The following SHB variants were observed in gnomAD, a reference collection of about 807,000 sequenced individuals.
SHB encodes SH2 domain containing adaptor protein B, also known as SH2 domain-containing adapter protein B.
Under a neutral mutation model 52.3 loss-of-function variants are expected in SHB, and 20 were observed. That is an observed-to-expected ratio of 0.38 (90% CI 0.27 to 0.56). The LOEUF is 0.56. Among genes scored for constraint, SHB ranks in the 20% least tolerant of loss-of-function variants. The probability of loss-of-function intolerance (pLI) is 0.71; values close to 1 mark genes in which losing one functional copy is unlikely to be tolerated. For missense variants in SHB, 825 were observed against 723.3 expected, an observed-to-expected ratio of 1.14 and a Z score of -1.61; for synonymous variants, 397 against 316.5, an observed-to-expected ratio of 1.25 and a Z score of -2.70.
At chr9:38,062,502 G>A (rs1211144352) in intron 1 of SHB, among the ~76,000 whole-genome samples, 2 of 151,984 alleles carry the variant, frequency 1.3e-5, no homozygotes, top group Non-Finnish European at 2.9e-5. Context: ...GACCTTATGC[G>A]CTCCTGCTTT....
chr9:37,973,227 T>A (rs1243520612), intron 3 of SHB, among the ~76,000 whole-genome samples: 7 of 152,186 alleles, frequency 4.6e-5, no homozygotes, highest in East Asian at 1.9e-4. Context: ...CTTTTCCGAA[T>A]TTTTTTATTT....
intron 3 of SHB, among the ~76,000 whole-genome samples, chr9:37,959,985 T>TG (rs771189265): frequency 1.6e-4 from 25 of 152,154 alleles, no homozygotes; most frequent in Non-Finnish European, 2.9e-4. Flanking sequence ...TTAGCTTTAT[T>TG]GGGAAAAAAA....
intron 5 of SHB, among the ~76,000 whole-genome samples, chr9:37,938,861 G>A (rs547484905): frequency 6.6e-6 from 1 of 152,334 alleles, no homozygotes; most frequent in South Asian, 2.1e-4. Flanking sequence ...CAGAATGAGA[G>A]CAGGCACCTC....
At chr9:37,948,816 G>A in intron 4 of SHB, 62 bp from the exon 5 acceptor site, 3 of 1,599,848 alleles carry the variant, frequency 1.9e-6, no homozygotes, top group Non-Finnish European at 2.6e-6. Context: ...GCCCTGACCT[G>A]CCTTGGGAGA....
At chr9:37,951,258 A>G (rs1832563644) in intron 4 of SHB, among the ~76,000 whole-genome samples, 2 of 152,366 alleles carry the variant, frequency 1.3e-5, no homozygotes, top group Non-Finnish European at 1.5e-5. Flanking sequence ...AGAAGGCAGG[A>G]AGAGCATGCA....
At chr9:38,024,044 C>T (rs182613721) in intron 1 of SHB, among the ~76,000 whole-genome samples, 13 of 152,342 alleles carry the variant, frequency 8.5e-5, no homozygotes, top group East Asian at 7.7e-4. Context: ...GGAAATCAGA[C>T]GGTGGGGAGG....
At chr9:38,004,031 G>A (rs1821050855) in intron 2 of SHB, among the ~76,000 whole-genome samples, 1 of 152,170 alleles carries the variant, frequency 6.6e-6, no homozygotes, top group African/African-American at 2.4e-5. Context: ...GGTCCATCCG[G>A]CCCATTGACT....
rs183487334 is a variant in SHB at position 38,018,939 on chromosome 9, C to T, written c.718-2808G>A. Reference sequence around the variant, plus strand: ...TCCAGATGTGAGATTGGATTTCTGACGGGATTGCTTTTGCTTTGCTTTAAA... The same window carrying T: ...TCCAGATGTGAGATTGGATTTCTGATGGGATTGCTTTTGCTTTGCTTTAAA... On this transcript the variant is annotated intron_variant, in intron 1 of 5. Coordinates refer to ENST00000377707, the MANE Select transcript of SHB (RefSeq NM_003028.3). Among the ~76,000 whole-genome samples, 26 of 152,320 alleles carry T rather than the reference C, an allele frequency of 1.7e-4. No homozygotes were observed. In the East Asian group the frequency reaches 4.4e-3, roughly 26 times the overall value.
At chr9:38,015,448 C>T (rs748224759) in intron 2 of SHB, 2 of 703,002 alleles carry the variant, frequency 2.8e-6, no homozygotes, top group African/African-American at 3.5e-5. Flanking sequence ...GGAAAACAGC[C>T]ACTGGGGGAA....
chr9:37,922,040 C>T (rs1476153242), intron 5 of SHB, among the ~76,000 whole-genome samples: 1 of 152,212 alleles, frequency 6.6e-6, no homozygotes, highest in Non-Finnish European at 1.5e-5. Context: ...ACCCTGGGCA[C>T]ATCATTCCCC....
chr9:38,018,663 C>A (rs1465823998), intron 1 of SHB, among the ~76,000 whole-genome samples: 1 of 152,028 alleles, frequency 6.6e-6, no homozygotes, highest in African/African-American at 2.4e-5. Context: ...GCAAACACTA[C>A]ACTGAACTGT....
chr9:38,020,385 G>C (rs571516555), intron 1 of SHB, among the ~76,000 whole-genome samples: 70 of 152,290 alleles, frequency 4.6e-4, no homozygotes, highest in African/African-American at 1.6e-3. Context: ...GGAAAGCTTG[G>C]GAAACAATAA....
chr9:37,977,369 T>G (rs749553878), intron 2 of SHB, among the ~76,000 whole-genome samples: 5 of 151,828 alleles, frequency 3.3e-5, no homozygotes, highest in Non-Finnish European at 5.9e-5. Context: ...CTCTGGCAAA[T>G]ATGAATAATC....
chr9:37,980,207 A>G (rs955657911), intron 2 of SHB, among the ~76,000 whole-genome samples: 1 of 152,208 alleles, frequency 6.6e-6, no homozygotes, highest in African/African-American at 2.4e-5. Flanking sequence ...GTTTTATAAC[A>G]TTTTACCCAC....
intron 2 of SHB, among the ~76,000 whole-genome samples, chr9:37,989,181 A>C (rs1291662961): frequency 6.6e-6 from 1 of 152,164 alleles, no homozygotes; most frequent in Non-Finnish European, 1.5e-5. Flanking sequence ...CATGTCCAGA[A>C]CGTGGTCCTT....
intron 4 of SHB, among the ~76,000 whole-genome samples, chr9:37,955,406 C>T (rs1407088576): frequency 6.6e-6 from 1 of 152,132 alleles, no homozygotes; most frequent in African/African-American, 2.4e-5. Context: ...TTAACCTGCC[C>T]ATGTATACAC....
At chr9:38,055,345 T>C (rs951419258) in intron 1 of SHB, among the ~76,000 whole-genome samples, 1 of 152,166 alleles carries the variant, frequency 6.6e-6, no homozygotes, top group African/African-American at 2.4e-5. Flanking sequence ...AACACCAGCA[T>C]GAACCAGAAA....
chr9:37,917,816 G>A lies in SHB; in HGVS notation c.*2005C>T, dbSNP rs1012630754. Among the ~76,000 whole-genome samples the A allele has an allele frequency of 6.6e-5, 10 of 152,260 alleles. No individual in the cohort carries two copies. The highest frequency in any genetic ancestry group is 1.2e-4 in the Non-Finnish European group (8 of 68,046). ...TTTAAGAGATTAAACCCAGGCCACA[G>A]CCAGCGTGGTCTCTATGAGGGCTGG... On this transcript the variant is annotated 3_prime_UTR_variant, in exon 6 of 6. Transcript: ENST00000377707.
intron 4 of SHB, among the ~76,000 whole-genome samples, chr9:37,954,181 C>G (rs552194148): frequency 6.6e-6 from 1 of 152,348 alleles, no homozygotes; most frequent in African/African-American, 2.4e-5. Flanking sequence ...AAATGATTCA[C>G]AGCACCGGCT....
Sources: allele counts gnomAD v4.1 joint callset (sites outside exome capture counted in the v4.1 genomes callset), GRCh38; gene constraint gnomAD v4.1.1; transcripts MANE v1.5; gene names NCBI Gene and HGNC (gene_info 2026-07-23, HGNC 2026-07-21).